The following HCN1 variants were observed in gnomAD, a reference collection of about 807,000 sequenced individuals.
The protein encoded by HCN1 is potassium/sodium hyperpolarization-activated cyclic nucleotide-gated channel 1.
A neutral mutation model predicts 78.9 loss-of-function variants in HCN1; 13 were observed. The observed-to-expected ratio is 0.16, with a 90% CI of 0.11 to 0.26. The LOEUF is 0.26. Ranked by LOEUF, HCN1 falls within the 10% of genes least tolerant of loss-of-function variation. HCN1 has a pLI of 1.00. For synonymous variants in HCN1, 552 were observed against 455.5 expected (o/e 1.21, Z -2.70); for missense variants, 810 against 1,154.3 (o/e 0.70, Z 4.32).
intron 2 of HCN1, among the ~76,000 whole-genome samples, chr5:45,466,236 T>C (rs1184219123): frequency 5.3e-5 from 8 of 152,194 alleles, no homozygotes; most frequent in Admixed American, 5.2e-4. Flanking sequence ...CATCGGTCTT[T>C]CAATCTAATA....
At chr5:45,497,633 T>C (rs899126477) in intron 2 of HCN1, among the ~76,000 whole-genome samples, 39 of 152,146 alleles carry the variant, frequency 2.6e-4, no homozygotes, top group African/African-American at 9.4e-4. Context: ...TACAGCACAC[T>C]GATGGGTCTT....
intron 1 of HCN1, among the ~76,000 whole-genome samples, chr5:45,659,488 A>G (rs1745871310): frequency 9.2e-6 from 1 of 108,906 alleles, no homozygotes; most frequent in African/African-American, 4.6e-5. Context: ...AGAAGGCTTC[A>G]GATGATCAAA....
At chr5:45,573,362 C>G (rs1360569462) in intron 2 of HCN1, among the ~76,000 whole-genome samples, 1 of 152,080 alleles carries the variant, frequency 6.6e-6, no homozygotes, top group Non-Finnish European at 1.5e-5. Context: ...ATTAGGGAAA[C>G]TGCATTTTCT....
intron 2 of HCN1, among the ~76,000 whole-genome samples, chr5:45,611,012 C>G (rs1033742898): frequency 6.6e-6 from 1 of 150,672 alleles, no homozygotes; most frequent in Non-Finnish European, 1.5e-5. Context: ...GAATTGTGAC[C>G]TATGTTTGTC....
chr5:45,598,131 A>C lies in HCN1; in HGVS notation c.849+47054T>G, dbSNP rs141972202. 4.6e-3 allele frequency among the ~76,000 whole-genome samples: 699 copies of C among 152,302 alleles called. 7 individuals are homozygous for C. Among genetic ancestry groups the C allele is most frequent in the African/African-American group, 0.016 (671 of 41,554 alleles). On this transcript the variant is annotated intron_variant, in intron 2 of 7. Coordinates refer to ENST00000303230, the MANE Select transcript of HCN1 (RefSeq NM_021072.4). ...AAGACAATCCTAAGAAAAAAGAACA[A>C]AGCTGGAGGCATGACGATACCCGAC...
chr5:45,496,698 A>G (rs1742040415), intron 2 of HCN1, among the ~76,000 whole-genome samples: 2 of 151,692 alleles, frequency 1.3e-5, no homozygotes, highest in African/African-American at 2.4e-5. Flanking sequence ...TTGTGTCTCT[A>G]TTTCCTTCAG....
intron 5 of HCN1, among the ~76,000 whole-genome samples, chr5:45,337,158 A>G (rs766680978): frequency 3.3e-5 from 5 of 152,022 alleles, no homozygotes; most frequent in Non-Finnish European, 4.4e-5. Context: ...CCATCCTCCA[A>G]GTGAGCTCTG....
At chr5:45,633,755 C>T (rs1417779261) in intron 2 of HCN1, among the ~76,000 whole-genome samples, 2 of 151,756 alleles carry the variant, frequency 1.3e-5, no homozygotes, top group Admixed American at 6.6e-5. Context: ...ATTTTTATTT[C>T]GTATAGCTAG....
chr5:45,539,285 T>C (rs1004166424), intron 2 of HCN1, among the ~76,000 whole-genome samples: 16 of 151,860 alleles, frequency 1.1e-4, no homozygotes, highest in Admixed American at 3.9e-4. Context: ...TATTGTTATT[T>C]ACAAAACTTT....
intron 2 of HCN1, among the ~76,000 whole-genome samples, chr5:45,637,251 A>G (rs1255311877): frequency 2.0e-5 from 3 of 152,142 alleles, no homozygotes; most frequent in Non-Finnish European, 4.4e-5. Flanking sequence ...ACACACTCAT[A>G]TACAATACCT....
chr5:45,376,913 G>T (rs10066509), intron 4 of HCN1, among the ~76,000 whole-genome samples: 6,817 of 152,010 alleles, frequency 0.045, 362 homozygotes, highest in African/African-American at 0.12. Flanking sequence ...GTTCAGCCAG[G>T]TCTGAGAACC....
At chr5:45,609,031 A>T (rs1172196397) in intron 2 of HCN1, among the ~76,000 whole-genome samples, 3 of 152,104 alleles carry the variant, frequency 2.0e-5, no homozygotes, top group Non-Finnish European at 1.5e-5. Context: ...AAAACCTGAT[A>T]CTATTTCAAG....
In HCN1 at chr5:45,695,794, G is replaced by A. The variant is rs756288135; in HGVS notation, c.300C>T (p.Ser100=). The change falls in exon 1 of 8, where the codon TCC becomes TCT. Residue 100 remains serine, a synonymous_variant. Transcript: ENST00000303230. The stretch of plus-strand genomic sequence containing the variant: ...ATTTGTTGACCCCGGGCTGCAGCAT[G>A]GAGGTGAACTGCCTCTGCATGAAGC... ...QYGFMQRQFT[S]MLQPGVNKFS... The A allele has an allele frequency of 6.2e-7, 1 of 1,611,288 alleles. No homozygotes were observed. The highest frequency in any genetic ancestry group is 1.3e-5 in the African/African-American group (1 of 74,994).
chr5:45,491,654 C>G (rs1741889005), intron 2 of HCN1, among the ~76,000 whole-genome samples: 1 of 152,124 alleles, frequency 6.6e-6, no homozygotes, highest in African/African-American at 2.4e-5. Context: ...TAGACATGTG[C>G]TATGCTATAG....
At chr5:45,271,041 A>C (rs1211108875) in intron 6 of HCN1, among the ~76,000 whole-genome samples, 1 of 152,106 alleles carries the variant, frequency 6.6e-6, no homozygotes, top group African/African-American at 2.4e-5. Context: ...AAATATTACC[A>C]TTGGTAAGAA....
intron 4 of HCN1, among the ~76,000 whole-genome samples, chr5:45,379,186 G>A (rs1243429980): frequency 2.6e-5 from 4 of 152,086 alleles, no homozygotes; most frequent in Non-Finnish European, 5.9e-5. Flanking sequence ...AGATGCTTGA[G>A]GAATCGCCAC....
intron 5 of HCN1, among the ~76,000 whole-genome samples, chr5:45,350,369 G>T (rs374666535): frequency 6.6e-6 from 1 of 152,038 alleles, no homozygotes; most frequent in Admixed American, 6.6e-5. Flanking sequence ...TTGATGGGGC[G>T]TATCTCAAAA....
intron 1 of HCN1, among the ~76,000 whole-genome samples, chr5:45,647,917 T>C (rs1339347339): frequency 6.6e-6 from 1 of 152,218 alleles, no homozygotes; most frequent in Non-Finnish European, 1.5e-5. Flanking sequence ...ATTTGCACTT[T>C]ACTATTCCCA....
intron 3 of HCN1, among the ~76,000 whole-genome samples, chr5:45,437,429 T>G (rs1740578824): frequency 6.6e-6 from 1 of 152,260 alleles, no homozygotes; most frequent in African/African-American, 2.4e-5. Context: ...AATTTCATTC[T>G]GGTTCTTGCC....
Sources: allele counts gnomAD v4.1 joint callset (sites outside exome capture counted in the v4.1 genomes callset), GRCh38; gene constraint gnomAD v4.1.1; transcripts MANE v1.5; gene names NCBI Gene and HGNC (gene_info 2026-07-23, HGNC 2026-07-21).